The following VPS8 variants were observed in gnomAD, a reference collection of about 807,000 sequenced individuals.
VPS8 encodes the protein VPS8 subunit of CORVET complex, also known as vacuolar protein sorting-associated protein 8 homolog.
A neutral mutation model predicts 216.4 loss-of-function variants in VPS8; 129 were observed. The ratio of observed to expected loss-of-function variants is 0.60; its 90% confidence interval spans 0.52 to 0.69. VPS8 has a LOEUF of 0.69. Ranked by LOEUF, VPS8 falls within the 30% of genes least tolerant of loss-of-function variation. The pLI is 0.00. For synonymous variants in VPS8, 571 were observed against 565.4 expected, an observed-to-expected ratio of 1.01 and a Z score of -0.14; for missense variants, 1,531 against 1,683.5, an observed-to-expected ratio of 0.91 and a Z score of 1.59.
At chr3:185,012,122 C>T (rs937779151) in intron 45 of VPS8, among the ~76,000 whole-genome samples, 3 of 150,852 alleles carry the variant, frequency 2.0e-5, no homozygotes, top group African/African-American at 7.3e-5. Context: ...AGCACAGAGG[C>T]AAAAATAATT....
intron 35 of VPS8, among the ~76,000 whole-genome samples, chr3:184,936,745 T>C (rs1281212027): frequency 6.6e-6 from 1 of 151,418 alleles, no homozygotes; most frequent in Non-Finnish European, 1.5e-5. Flanking sequence ...CCGTTTTCTT[T>C]TTTTTTTTTT....
intron 1 of VPS8, chr3:184,813,655 CAG>C (rs1715672322): frequency 6.6e-6 from 1 of 152,204 alleles, no homozygotes; most frequent in Admixed American, 6.5e-5. Flanking sequence ...AGAGCTCTAA[CAG>C]AGTAATATGT....
intron 1 of VPS8, among the ~76,000 whole-genome samples, chr3:184,815,263 A>G (rs1305990224): frequency 2.6e-5 from 4 of 152,196 alleles, no homozygotes; most frequent in Non-Finnish European, 5.9e-5. Flanking sequence ...CACATAGTTT[A>G]TTATCAAGTA....
At chr3:184,860,106 T>A in intron 15 of VPS8, 41 bp downstream of exon 15, 2 of 1,459,566 alleles carry the variant, frequency 1.4e-6, no homozygotes, top group Middle Eastern at 4.2e-4. Flanking sequence ...TTAGTTCATG[T>A]AATTGTTCTG....
At chr3:184,913,324 T>C (rs1398150166) in intron 25 of VPS8, among the ~76,000 whole-genome samples, 195 bp from the exon 26 acceptor site, 7 of 152,224 alleles carry the variant, frequency 4.6e-5, no homozygotes, top group Non-Finnish European at 1.0e-4. Context: ...GGGTAGCTTA[T>C]ATTGCTCTTG....
At chr3:184,815,639 C>T (rs1716144042) in intron 1 of VPS8, 1 of 152,102 alleles carries the variant, frequency 6.6e-6, no homozygotes, top group South Asian at 2.1e-4. Context: ...TGTGCCTACT[C>T]TTCTGCTCCG....
At chr3:184,909,777 T>C (rs1378502824) in intron 25 of VPS8, among the ~76,000 whole-genome samples, 1 of 152,204 alleles carries the variant, frequency 6.6e-6, no homozygotes, top group Admixed American at 6.5e-5. Flanking sequence ...GAAGAATATA[T>C]TTTATTTTCT....
intron 40 of VPS8, among the ~76,000 whole-genome samples, chr3:184,977,069 A>G (rs939853906): frequency 3.9e-5 from 6 of 152,218 alleles, no homozygotes; most frequent in Non-Finnish European, 8.8e-5. Context: ...ACTAATTTAC[A>G]TTCCTACCAA....
chr3:184,932,706 G>A (rs1011851093), intron 34 of VPS8, among the ~76,000 whole-genome samples: 2 of 152,044 alleles, frequency 1.3e-5, no homozygotes, highest in Admixed American at 6.6e-5. Context: ...GCCTATTCTT[G>A]AACTTTGTGA....
intron 23 of VPS8, 84 bp downstream of exon 23, chr3:184,895,009 C>T: frequency 8.6e-7 from 1 of 1,157,062 alleles, no homozygotes; most frequent in Non-Finnish European, 1.2e-6. Context: ...CAGGCCTGAC[C>T]CTGCCTTCTA....
At chr3:184,940,321 G>A in intron 36 of VPS8, 78 bp downstream of exon 36, 1 of 541,652 alleles carries the variant, frequency 1.8e-6, no homozygotes, top group Non-Finnish European at 2.7e-6. Flanking sequence ...AAAGTTACCA[G>A]CCCATGGTAT....
At chr3:184,941,154 A>C (rs77065950) in intron 36 of VPS8, among the ~76,000 whole-genome samples, 1 of 150,186 alleles carries the variant, frequency 6.7e-6, no homozygotes, top group South Asian at 2.1e-4. Context: ...TTGTAATATC[A>C]GCTTTGGTTA....
intron 46 of VPS8, among the ~76,000 whole-genome samples, chr3:185,043,113 C>T (rs1404319313): frequency 6.6e-6 from 1 of 152,090 alleles, no homozygotes; most frequent in Non-Finnish European, 1.5e-5. Flanking sequence ...GACCAGGCAA[C>T]CCAGGGTGTC....
At chr3:184,951,475 A>G (rs1013729291) in intron 36 of VPS8, among the ~76,000 whole-genome samples, 1 of 151,384 alleles carries the variant, frequency 6.6e-6, no homozygotes, top group Non-Finnish European at 1.5e-5. Context: ...ACAGAGTGAG[A>G]CTGTCTAAAA....
At chr3:184,992,578 T>C (rs1752041022) in intron 42 of VPS8, among the ~76,000 whole-genome samples, 1 of 152,078 alleles carries the variant, frequency 6.6e-6, no homozygotes, top group Admixed American at 6.6e-5. Context: ...TGAAGGAACT[T>C]AGTAATATGT....
intron 47 of VPS8, among the ~76,000 whole-genome samples, 193 bp from the exon 48 acceptor site, chr3:185,051,683 C>A (rs1714275798): frequency 6.6e-6 from 1 of 152,130 alleles, no homozygotes; most frequent in Non-Finnish European, 1.5e-5. Flanking sequence ...GAAATTTAGA[C>A]CCTAAAAAAT....
At chr3:184,852,071 T>G (rs1421216826) in intron 10 of VPS8, among the ~76,000 whole-genome samples, 1 of 152,210 alleles carries the variant, frequency 6.6e-6, no homozygotes, top group Middle Eastern at 3.2e-3. Flanking sequence ...AGAAGACATA[T>G]TCAGATAAGT....
chr3:184,971,846 G>T (rs980130675), intron 40 of VPS8, 94 bp downstream of exon 40: 2 of 959,182 alleles, frequency 2.1e-6, no homozygotes, highest in African/African-American at 3.3e-5. Context: ...AGGCCGAGAC[G>T]GACAGATCAC....
intron 25 of VPS8, among the ~76,000 whole-genome samples, chr3:184,908,816 G>A (rs1478950937): frequency 2.0e-5 from 3 of 152,234 alleles, no homozygotes; most frequent in African/African-American, 4.8e-5. Context: ...CCCACTACCC[G>A]AAGGCGGGCA....
Sources: allele counts gnomAD v4.1 joint callset (sites outside exome capture counted in the v4.1 genomes callset), GRCh38; gene constraint gnomAD v4.1.1; transcripts MANE v1.5; gene names NCBI Gene and HGNC (gene_info 2026-07-23, HGNC 2026-07-21).